GRM8: variants seen among roughly 807,000 people sequenced by gnomAD.
GRM8 encodes glutamate metabotropic receptor 8.
Under a neutral mutation model 87.2 loss-of-function variants are expected in GRM8, and 47 were observed. The observed-to-expected ratio is 0.54, with a 90% CI of 0.43 to 0.69. GRM8 has a LOEUF of 0.69. Ranked by LOEUF, GRM8 falls within the 30% of genes least tolerant of loss-of-function variation. The pLI is 0.00. For missense variants in GRM8, 1,019 were observed against 1,139.2 expected (o/e 0.89, Z 1.52); for synonymous variants, 396 against 404.5 (o/e 0.98, Z 0.25).
intron 9 of GRM8, among the ~76,000 whole-genome samples, chr7:126,454,310 A>G (rs377336616): frequency 6.6e-6 from 1 of 151,726 alleles, no homozygotes; most frequent in Non-Finnish European, 1.5e-5. Flanking sequence ...ATTTTAGGCT[A>G]AATAATAAAT....
At chr7:127,015,262 AAG>A (rs111707931) in intron 3 of GRM8, among the ~76,000 whole-genome samples, 14 of 110,586 alleles carry the variant, frequency 1.3e-4, no homozygotes, top group South Asian at 3.1e-4. Context: ...AGAAGAAGAA[AAG>A]AGAGAGAGAG....
At chr7:126,652,385 G>C (rs1054690521) in intron 7 of GRM8, among the ~76,000 whole-genome samples, 1 of 152,174 alleles carries the variant, frequency 6.6e-6, no homozygotes, top group South Asian at 2.1e-4. Context: ...AATACTGAGT[G>C]TCAACTTGAT....
At chr7:126,791,024 AGT>A (rs2151673473) in intron 6 of GRM8, among the ~76,000 whole-genome samples, 1 of 152,266 alleles carries the variant, frequency 6.6e-6, no homozygotes, top group Non-Finnish European at 1.5e-5. Flanking sequence ...TGACAGTGCC[AGT>A]GTTCTAAATG....
rs140854172 is a variant in GRM8, at chr7:126,921,221, C to T, written c.728-16538G>A. ...GAATAGGAGGCTAAAAGAATAGAAACATTCAGAGGGCAAGAAGAAGCTCCT... is the reference window on the plus strand; with the variant it reads ...GAATAGGAGGCTAAAAGAATAGAAATATTCAGAGGGCAAGAAGAAGCTCCT... On this transcript the variant is annotated intron_variant, in intron 3 of 10. Coordinates refer to ENST00000339582, the MANE Select transcript of GRM8 (RefSeq NM_000845.3). 1.8e-3 allele frequency among the ~76,000 whole-genome samples: 268 copies of T among 152,176 alleles called. 3 individuals are homozygous for T. The highest frequency in any genetic ancestry group is 0.014 in the Admixed American group (215 of 15,274).
At chr7:126,910,431 T>C (rs536528800) in intron 3 of GRM8, among the ~76,000 whole-genome samples, 2 of 152,314 alleles carry the variant, frequency 1.3e-5, no homozygotes, top group African/African-American at 4.8e-5. Context: ...AATGCAAGAC[T>C]TGTGACAGGT....
intron 3 of GRM8, among the ~76,000 whole-genome samples, chr7:127,102,674 C>T (rs1435595277): frequency 6.6e-6 from 1 of 152,174 alleles, no homozygotes; most frequent in Non-Finnish European, 1.5e-5. Context: ...AGGCTTGGCA[C>T]CCTCTCCCTA....
chr7:127,014,331 C>T (rs1401570153), intron 3 of GRM8, among the ~76,000 whole-genome samples: 1 of 152,136 alleles, frequency 6.6e-6, no homozygotes, highest in Non-Finnish European at 1.5e-5. Flanking sequence ...AAAAGCTCCA[C>T]CTGCGAAAGT....
chr7:127,243,037 T>C lies in GRM8; in HGVS notation c.168A>G (p.Ala56=), dbSNP rs368984286. 2 of 1,614,064 alleles carry C rather than the reference T, an allele frequency of 1.2e-6. No individual in the cohort carries two copies. Among genetic ancestry groups the C allele is most frequent in the Non-Finnish European group, 1.7e-6 (2 of 1,179,958 alleles). The change falls in exon 2 of 11, where the codon GCA becomes GCG. Residue 56 remains alanine, a synonymous_variant. Coordinates refer to ENST00000339582, the MANE Select transcript of GRM8 (RefSeq NM_000845.3). The part of the protein sequence containing the change: ...IILGGLFPVH[A]KGERGVPCGE... Reference sequence around the variant, plus strand: ...CACAAGGCACCCCTCTCTCTCCCTTTGCGTGGACAGGGAAGAGACCCCCCA... The same window carrying C: ...CACAAGGCACCCCTCTCTCTCCCTTCGCGTGGACAGGGAAGAGACCCCCCA...
At chr7:127,186,504 G>A (rs17862313) in intron 2 of GRM8, among the ~76,000 whole-genome samples, 5,510 of 152,216 alleles carry the variant, frequency 0.036, 175 homozygotes, top group East Asian at 0.13. Context: ...CTTCTGTGCT[G>A]TGGTGGATGA....
chr7:127,193,498 C>T (rs1405451821), intron 2 of GRM8, among the ~76,000 whole-genome samples: 1 of 152,194 alleles, frequency 6.6e-6, no homozygotes, highest in African/African-American at 2.4e-5. Flanking sequence ...CTCCGCAGGA[C>T]AAAGCTTCTA....
At chr7:127,218,401 T>C (rs980311008) in intron 2 of GRM8, among the ~76,000 whole-genome samples, 1 of 152,228 alleles carries the variant, frequency 6.6e-6, no homozygotes, top group Non-Finnish European at 1.5e-5. Context: ...CTCATTCAGC[T>C]CTAGCATCGG....
intron 3 of GRM8, among the ~76,000 whole-genome samples, chr7:126,962,497 T>C (rs1364551479): frequency 6.6e-6 from 1 of 151,484 alleles, no homozygotes; most frequent in African/African-American, 2.5e-5. Flanking sequence ...CACTATAAAA[T>C]TAGTTAAAGT....
intron 3 of GRM8, among the ~76,000 whole-genome samples, chr7:127,004,665 C>T (rs776385820): frequency 1.3e-5 from 2 of 151,552 alleles, no homozygotes; most frequent in Non-Finnish European, 3.0e-5. Flanking sequence ...AGAAAAATAA[C>T]TTGGCTATCA....
At chr7:126,508,269 A>G (rs77844494) in intron 9 of GRM8, among the ~76,000 whole-genome samples, 1 of 143,298 alleles carries the variant, frequency 7.0e-6, no homozygotes. Context: ...ACACACACAC[A>G]CGCAAACACA....
At chr7:126,622,554 A>G (rs887351937) in intron 7 of GRM8, among the ~76,000 whole-genome samples, 5 of 152,020 alleles carry the variant, frequency 3.3e-5, no homozygotes, top group Admixed American at 6.6e-5. Flanking sequence ...GATGCAACAC[A>G]TATCCCAGGT....
chr7:127,053,429 A>G (rs1478040674), intron 3 of GRM8, among the ~76,000 whole-genome samples: 2 of 152,212 alleles, frequency 1.3e-5, no homozygotes, highest in Non-Finnish European at 2.9e-5. Flanking sequence ...AGCTAGATTC[A>G]ATGCAGTGTG....
intron 6 of GRM8, among the ~76,000 whole-genome samples, chr7:126,900,449 C>T (rs758753531): frequency 2.6e-5 from 4 of 151,958 alleles, no homozygotes; most frequent in Non-Finnish European, 2.9e-5. Context: ...TATAACACTA[C>T]GTACCAAAGC....
At chr7:127,170,558 C>A (rs6964391) in intron 2 of GRM8, among the ~76,000 whole-genome samples, 65,048 of 152,010 alleles carry the variant, frequency 0.43, 14,388 homozygotes, top group African/African-American at 0.49. Context: ...TACAGCAGCA[C>A]AATTTGCAGT....
chr7:126,745,966 C>T (rs2151524418), intron 7 of GRM8, among the ~76,000 whole-genome samples: 1 of 151,716 alleles, frequency 6.6e-6, no homozygotes, highest in Admixed American at 6.6e-5. Flanking sequence ...TTTATATCTT[C>T]TGAAAATTCT....
Sources: allele counts gnomAD v4.1 joint callset (sites outside exome capture counted in the v4.1 genomes callset), GRCh38; gene constraint gnomAD v4.1.1; transcripts MANE v1.5; gene names NCBI Gene and HGNC (gene_info 2026-07-23, HGNC 2026-07-21).